Variants in WIPF3 observed in about 807,000 individuals in gnomAD.
The protein encoded by WIPF3 is WAS/WASL interacting protein family member 3.
WIPF3 carries 33 observed loss-of-function variants against 38.9 expected under a neutral mutation model. That is an observed-to-expected ratio of 0.85 (90% CI 0.64 to 1.14). The LOEUF (loss-of-function observed/expected upper bound fraction) is 1.14, where lower values mean the gene tolerates loss of function less well. Ranked by LOEUF, WIPF3 falls within the 50% of genes most tolerant of loss-of-function variation. The pLI, the probability that WIPF3 is intolerant of heterozygous loss-of-function variation, is 0.00. For missense variants in WIPF3, 711 were observed against 652.5 expected (o/e 1.09, Z -0.98); for synonymous variants, 324 against 269.3 (o/e 1.20, Z -1.99).
At chr7:29,856,352 G>A (rs1037422462) in intron 2 of WIPF3, among the ~76,000 whole-genome samples, 1 of 152,108 alleles carries the variant, frequency 6.6e-6, no homozygotes. Flanking sequence ...TTCAGGCCAG[G>A]CACAGTGTCT....
chr7:29,842,562 C>T (rs927620360), intron 2 of WIPF3, among the ~76,000 whole-genome samples: 4 of 152,156 alleles, frequency 2.6e-5, no homozygotes, highest in African/African-American at 9.7e-5. Context: ...TTGCATGATT[C>T]CTCGGCAAAG....
At chr7:29,839,735 T>C (rs1437327033) in intron 2 of WIPF3, among the ~76,000 whole-genome samples, 1 of 152,156 alleles carries the variant, frequency 6.6e-6, no homozygotes, top group Admixed American at 6.5e-5. Context: ...AAAAGTAATA[T>C]TTTGTGACAC....
At chr7:29,842,538 T>C (rs1784929229) in intron 2 of WIPF3, among the ~76,000 whole-genome samples, 1 of 152,240 alleles carries the variant, frequency 6.6e-6, no homozygotes, top group Non-Finnish European at 1.5e-5. Flanking sequence ...ATTTTTCTCC[T>C]TGTAGTCTAA....
intron 2 of WIPF3, among the ~76,000 whole-genome samples, chr7:29,854,430 T>C (rs1453392024): frequency 6.6e-6 from 1 of 152,230 alleles, no homozygotes; most frequent in Non-Finnish European, 1.5e-5. Flanking sequence ...CCACTGATGA[T>C]CAGTATTAAT....
chr7:29,853,497 T>A (rs1408097154), intron 2 of WIPF3, among the ~76,000 whole-genome samples: 1 of 152,158 alleles, frequency 6.6e-6, no homozygotes, highest in Non-Finnish European at 1.5e-5. Flanking sequence ...CCACAGTGCA[T>A]CCCCTAAAGC....
At chr7:29,814,204 G>A (rs1017774709) in intron 1 of WIPF3, among the ~76,000 whole-genome samples, 2 of 152,108 alleles carry the variant, frequency 1.3e-5, no homozygotes, top group South Asian at 2.1e-4. Flanking sequence ...ACCTGCTTAC[G>A]GTTATTATGA....
chr7:29,834,343 G>T (rs1784765280), intron 1 of WIPF3, among the ~76,000 whole-genome samples: 2 of 151,970 alleles, frequency 1.3e-5, no homozygotes, highest in African/African-American at 4.8e-5. Context: ...TCAGTTATCT[G>T]GAAAAATTAT....
At chr7:29,806,793 T>C (rs1308272408) in intron 1 of WIPF3, 115 bp downstream of exon 1, 2 of 150,952 alleles carry the variant, frequency 1.3e-5, no homozygotes, top group Middle Eastern at 3.2e-3. Context: ...GGGACAGAGA[T>C]CCTGAGGGCG....
intron 2 of WIPF3, among the ~76,000 whole-genome samples, chr7:29,838,257 A>T (rs1784847869): frequency 6.6e-6 from 1 of 151,988 alleles, no homozygotes; most frequent in South Asian, 2.1e-4. Context: ...AGTATTAGGA[A>T]CTAGGCACTT....
In WIPF3 at chr7:29,844,768, G is replaced by C. The variant is rs145417541; in HGVS notation, c.90+9954G>C. Among the ~76,000 whole-genome samples, 1 of 152,168 alleles carries C rather than the reference G, an allele frequency of 6.6e-6. No individual in the cohort carries two copies. Among genetic ancestry groups the C allele is most frequent in the African/African-American group, 2.4e-5 (1 of 41,432 alleles). ...ACAGTAACCCTTTGAGGCAGGTACT[G>C]TTCTCATTTTAAGGATGAGCTAACT... On this transcript the variant is annotated intron_variant, in intron 2 of 8. Transcript: ENST00000242140. The surrounding 1 kb of genome is among the most constrained non-coding windows in gnomAD (Gnocchi z 4.8).
At chr7:29,901,825 C>CAAA (rs869296187) in intron 7 of WIPF3, among the ~76,000 whole-genome samples, 6 of 82,524 alleles carry the variant, frequency 7.3e-5, no homozygotes, top group East Asian at 2.9e-4. Flanking sequence ...GTCCCTGTCT[C>CAAA]AAAAAAAAAA....
At chr7:29,842,962 C>T (rs1051656367) in intron 2 of WIPF3, among the ~76,000 whole-genome samples, 1 of 152,198 alleles carries the variant, frequency 6.6e-6, no homozygotes, top group South Asian at 2.1e-4. Flanking sequence ...GGACTGGGGA[C>T]GCTTACCAGG....
At chr7:29,837,331 G>A (rs1302146647) in intron 2 of WIPF3, among the ~76,000 whole-genome samples, 1 of 152,188 alleles carries the variant, frequency 6.6e-6, no homozygotes, top group Non-Finnish European at 1.5e-5. Flanking sequence ...ACTCCAGCCT[G>A]GGCAACAGAG....
At chr7:29,904,623 C>A in intron 8 of WIPF3, 1 of 422,376 alleles carries the variant, frequency 2.4e-6, no homozygotes, top group Non-Finnish European at 4.3e-6. Context: ...CATTCTGCAA[C>A]AATCATGCCA....
intron 4 of WIPF3, among the ~76,000 whole-genome samples, chr7:29,880,778 G>A (rs1371085580): frequency 6.6e-6 from 1 of 152,180 alleles, no homozygotes; most frequent in Non-Finnish European, 1.5e-5. Context: ...GCCTGTTCCA[G>A]GATGGAAACT....
chr7:29,859,521 G>T (rs2128070300), intron 2 of WIPF3, among the ~76,000 whole-genome samples: 1 of 152,210 alleles, frequency 6.6e-6, no homozygotes. Flanking sequence ...TTGGGTGTGG[G>T]GACTATCCCA....
At chr7:29,900,497 G>A (rs1055635742) in intron 7 of WIPF3, among the ~76,000 whole-genome samples, 4 of 152,128 alleles carry the variant, frequency 2.6e-5, no homozygotes, top group African/African-American at 4.8e-5. Flanking sequence ...AGTTCTCTGC[G>A]AGGAGAGGAG....
intron 4 of WIPF3, among the ~76,000 whole-genome samples, chr7:29,883,458 T>G (rs914597826): frequency 6.6e-6 from 1 of 152,146 alleles, no homozygotes; most frequent in African/African-American, 2.4e-5. Context: ...GGGTCCAAAT[T>G]AGAGCATAAG....
Position 29,875,931 on chromosome 7 carries a change from G to A in WIPF3, c.192G>A (p.Gln64=). 6.2e-7 allele frequency: 1 copy of A among 1,614,034 alleles called. No individual in the cohort carries two copies. Among genetic ancestry groups the A allele is most frequent in the Non-Finnish European group, 8.5e-7 (1 of 1,179,898 alleles). The change falls in exon 3 of 9, where the codon CAG becomes CAA. Residue 64 remains glutamine (Q), a synonymous_variant. Coordinates refer to ENST00000242140, the MANE Select transcript of WIPF3 (RefSeq NM_001080529.3). ...GAACTCGCCTGCGCAAAGTCACGCA[G>A]ATCAACGACCGCAGTGCCCCGCAGA... is the stretch of plus-strand genomic sequence containing the variant. The part of the protein sequence containing the change: ...QQGTRLRKVT[Q]INDRSAPQIE...
Sources: allele counts gnomAD v4.1 joint callset (sites outside exome capture counted in the v4.1 genomes callset), GRCh38; gene constraint gnomAD v4.1.1; non-coding constraint Gnocchi (gnomAD v3.1); transcripts MANE v1.5; gene names NCBI Gene and HGNC (gene_info 2026-07-23, HGNC 2026-07-21).